The following SRPK2 variants were observed in gnomAD, a reference collection of about 807,000 sequenced individuals.
SRPK2 encodes SFRS protein kinase 2.
In SRPK2, 21 loss-of-function variants were observed where a neutral mutation model predicts 90.8. The ratio of observed to expected loss-of-function variants is 0.23; its 90% CI spans 0.16 to 0.33. The LOEUF is 0.33. Ranked by LOEUF, SRPK2 falls within the 10% of genes least tolerant of loss-of-function variation. The pLI is 1.00. For missense variants in SRPK2, 620 were observed against 869.0 expected (o/e 0.71, Z 3.60); for synonymous variants, 288 against 311.1 (o/e 0.93, Z 0.78).
intron 2 of SRPK2, among the ~76,000 whole-genome samples, chr7:105,331,752 T>C (rs1814441946): frequency 6.6e-6 from 1 of 151,846 alleles, no homozygotes; most frequent in South Asian, 2.1e-4. Flanking sequence ...AATAAATAAG[T>C]ACTAGAGGAA....
chr7:105,145,247 C>A (rs1388018635), intron 9 of SRPK2, 36 bp downstream of exon 9: 17 of 1,530,904 alleles, frequency 1.1e-5, no homozygotes, highest in East Asian at 2.3e-5. Flanking sequence ...TCTCTTTTAA[C>A]ATGGTGCATA....
At chr7:105,287,671 G>A (rs1808353287) in intron 2 of SRPK2, among the ~76,000 whole-genome samples, 1 of 152,158 alleles carries the variant, frequency 6.6e-6, no homozygotes, top group African/African-American at 2.4e-5. Flanking sequence ...AGGAGGTGGA[G>A]GTTGTGGTGA....
chr7:105,245,593 C>T (rs1021535709), intron 2 of SRPK2, among the ~76,000 whole-genome samples: 3 of 152,016 alleles, frequency 2.0e-5, no homozygotes, highest in Non-Finnish European at 4.4e-5. Flanking sequence ...CGAGTTTTGA[C>T]GGAAGCATTT....
chr7:105,227,038 T>C, intron 2 of SRPK2, among the ~76,000 whole-genome samples: 1 of 152,246 alleles, frequency 6.6e-6, no homozygotes, highest in African/African-American at 2.4e-5. Flanking sequence ...CGCTTGTGTG[T>C]CACCAGATTA....
chr7:105,304,060 T>A (rs1034826159), intron 2 of SRPK2, among the ~76,000 whole-genome samples: 1 of 152,214 alleles, frequency 6.6e-6, no homozygotes, highest in Admixed American at 6.5e-5. Context: ...CAAGAAAACA[T>A]CCATCTCAAA....
At chr7:105,176,565 G>GTGTGTGTGTGTATGTATATA (rs1270629779) in intron 3 of SRPK2, among the ~76,000 whole-genome samples, 4 of 129,558 alleles carry the variant, frequency 3.1e-5, no homozygotes, top group African/African-American at 1.1e-4. Context: ...ATATGTGTGT[G>GTGTGTGTGTGTATGTATATA]TGTGTGTGTG....
chr7:105,164,869 T>C (rs1563014607), intron 6 of SRPK2, among the ~76,000 whole-genome samples: 1 of 152,090 alleles, frequency 6.6e-6, no homozygotes, highest in African/African-American at 2.4e-5. Context: ...CCAAACATGA[T>C]ATAAAGAGCA....
At chr7:105,343,648 T>C (rs1473801249) in intron 2 of SRPK2, among the ~76,000 whole-genome samples, 1 of 152,258 alleles carries the variant, frequency 6.6e-6, no homozygotes, top group Non-Finnish European at 1.5e-5. Context: ...TAACAGTGCA[T>C]TTCCATTTTA....
intron 2 of SRPK2, among the ~76,000 whole-genome samples, chr7:105,275,909 TAA>T (rs1806420985): frequency 1.3e-5 from 2 of 152,174 alleles, no homozygotes; most frequent in African/African-American, 4.8e-5. Context: ...AGTGGAAATT[TAA>T]AAAGACATAA....
chr7:105,357,669 A>G (rs888640516), intron 2 of SRPK2, among the ~76,000 whole-genome samples: 1 of 151,796 alleles, frequency 6.6e-6, no homozygotes, highest in Non-Finnish European at 1.5e-5. Flanking sequence ...GCTTGAACCC[A>G]GGAGGCGGAG....
At chr7:105,322,217 C>A (rs1813014872) in intron 2 of SRPK2, among the ~76,000 whole-genome samples, 1 of 152,126 alleles carries the variant, frequency 6.6e-6, no homozygotes, top group Non-Finnish European at 1.5e-5. Context: ...GAGTTGGAGA[C>A]CCGCCTGGCC....
chr7:105,371,629 G>A (rs923757971), intron 2 of SRPK2, among the ~76,000 whole-genome samples: 6 of 150,460 alleles, frequency 4.0e-5, no homozygotes, highest in Non-Finnish European at 8.9e-5. Context: ...GGTAGGTAGT[G>A]CATGCCTGTA....
chr7:105,334,630 G>A (rs1295563500), intron 2 of SRPK2, among the ~76,000 whole-genome samples: 2 of 151,996 alleles, frequency 1.3e-5, no homozygotes, highest in African/African-American at 4.8e-5. Context: ...TTGAGGTCAG[G>A]AGTCCGAGAC....
At chr7:105,180,976 G>A (rs1792704711) in intron 3 of SRPK2, among the ~76,000 whole-genome samples, 1 of 150,924 alleles carries the variant, frequency 6.6e-6, no homozygotes. Context: ...CAAAGCATCT[G>A]ACAAAGGTAT....
rs199889412 is a variant in SRPK2, at chr7:105,309,925, G to GA, written c.71+78722dup. On this transcript the variant is annotated intron_variant, in intron 2 of 15. Transcript: ENST00000393651. Reference sequence around the variant, plus strand: ...GAGGGGCTCATAAGCCAGTAGAGGAGAAAAAAATCACACAGACATAATGCC... The same window carrying GA: ...GAGGGGCTCATAAGCCAGTAGAGGAGAAAAAAAATCACACAGACATAATGCC... Among the ~76,000 whole-genome samples, 1,196 of 152,266 alleles carry GA rather than the reference G, an allele frequency of 7.9e-3. 18 individuals are homozygous for GA. The highest frequency in any genetic ancestry group is 0.028 in the African/African-American group (1,146 of 41,548).
chr7:105,290,123 TA>T (rs1372709407), intron 2 of SRPK2, among the ~76,000 whole-genome samples: 1 of 149,912 alleles, frequency 6.7e-6, no homozygotes. Context: ...CAGATCACTA[TA>T]ATCACAGATA....
chr7:105,126,857 A>C, intron 14 of SRPK2, 136 bp downstream of exon 14: 1 of 863,696 alleles, frequency 1.2e-6, no homozygotes, highest in African/African-American at 1.7e-5. Context: ...CATCAAACTC[A>C]AAGGAAAAGC....
At chr7:105,210,277 A>G (rs892651673) in intron 2 of SRPK2, among the ~76,000 whole-genome samples, 1 of 152,160 alleles carries the variant, frequency 6.6e-6, no homozygotes, top group Non-Finnish European at 1.5e-5. Context: ...GCTCCAGATG[A>G]ATTTCTTCAG....
chr7:105,372,204 AATG>A, intron 2 of SRPK2, among the ~76,000 whole-genome samples: 1 of 151,806 alleles, frequency 6.6e-6, no homozygotes, highest in African/African-American at 2.4e-5. Context: ...AAGCACTTAT[AATG>A]ATAATAGTCA....
Sources: allele counts gnomAD v4.1 joint callset (sites outside exome capture counted in the v4.1 genomes callset), GRCh38; gene constraint gnomAD v4.1.1; transcripts MANE v1.5; gene names NCBI Gene and HGNC (gene_info 2026-07-23, HGNC 2026-07-21).